The following RALGAPA2 variants were observed in gnomAD, a reference collection of about 807,000 sequenced individuals.
RALGAPA2 encodes the protein Ral GTPase activating protein catalytic subunit alpha 2, also known as ral GTPase-activating protein subunit alpha-2.
RALGAPA2 carries 139 observed loss-of-function variants against 230.4 expected under a neutral mutation model. The observed-to-expected ratio is 0.60, with a 90% CI of 0.53 to 0.69. The LOEUF is 0.69. Among genes scored for constraint, RALGAPA2 ranks in the 30% least tolerant of loss-of-function variants. RALGAPA2 has a pLI of 0.00. For missense variants in RALGAPA2, 2,163 were observed against 2,276.0 expected (o/e 0.95, Z 1.01); for synonymous variants, 847 against 837.8 (o/e 1.01, Z -0.19).
chr20:20,635,281 G>A (rs2066819365), intron 9 of RALGAPA2, 137 bp downstream of exon 9: 2 of 879,750 alleles, frequency 2.3e-6, no homozygotes, highest in East Asian at 2.5e-5. Context: ...TTACAGACAG[G>A]GTAGGCCAAT....
intron 37 of RALGAPA2, among the ~76,000 whole-genome samples, chr20:20,468,335 T>G (rs1238757506): frequency 6.6e-6 from 1 of 152,150 alleles, no homozygotes; most frequent in African/African-American, 2.4e-5. Flanking sequence ...TGGCCATCCC[T>G]CCCATCTGGG....
intron 9 of RALGAPA2, among the ~76,000 whole-genome samples, chr20:20,634,628 C>G (rs2066795010): frequency 6.6e-6 from 1 of 152,168 alleles, no homozygotes. Context: ...AGGCCTAGGT[C>G]GGAGTTCTGA....
chr20:20,457,078 C>T (rs2061139661), intron 37 of RALGAPA2, among the ~76,000 whole-genome samples: 1 of 152,168 alleles, frequency 6.6e-6, no homozygotes, highest in South Asian at 2.1e-4. Context: ...ATGATGAACT[C>T]AATTAAGCTT....
chr20:20,409,075 G>A (rs920527926), intron 38 of RALGAPA2, among the ~76,000 whole-genome samples: 11 of 152,178 alleles, frequency 7.2e-5, no homozygotes, highest in South Asian at 4.1e-4. Context: ...GGTTGACGGC[G>A]CATCCTGAAC....
intron 31 of RALGAPA2, 147 bp downstream of exon 31, chr20:20,520,770 G>A: frequency 1.8e-6 from 1 of 559,940 alleles, no homozygotes; most frequent in Non-Finnish European, 2.9e-6. Context: ...AAGAAACAAG[G>A]AAGGCAGAAT....
chr20:20,479,046 C>G (rs895996773), intron 36 of RALGAPA2, among the ~76,000 whole-genome samples: 1 of 151,622 alleles, frequency 6.6e-6, no homozygotes, highest in African/African-American at 2.4e-5. Flanking sequence ...GATGAAATGG[C>G]CAAATGAGAA....
intron 16 of RALGAPA2, among the ~76,000 whole-genome samples, chr20:20,596,768 C>G (rs956863957): frequency 2.0e-5 from 3 of 152,234 alleles, no homozygotes; most frequent in African/African-American, 7.2e-5. Flanking sequence ...CTTGATTTCA[C>G]TCTGACTTAG....
chr20:20,405,383 G>A (rs1416398422), intron 38 of RALGAPA2, among the ~76,000 whole-genome samples: 2 of 152,158 alleles, frequency 1.3e-5, no homozygotes, highest in African/African-American at 4.8e-5. Context: ...GCCTGCATGA[G>A]ATTCCCAGAG....
intron 1 of RALGAPA2, among the ~76,000 whole-genome samples, chr20:20,691,928 C>G (rs368876458): frequency 2.5e-3 from 385 of 152,222 alleles, no homozygotes; most frequent in Non-Finnish European, 4.2e-3. Context: ...CTGGTGCTGT[C>G]CTTACAGTAA....
chr20:20,467,679 G>A (rs1384314468), intron 37 of RALGAPA2, among the ~76,000 whole-genome samples: 3 of 152,092 alleles, frequency 2.0e-5, no homozygotes, highest in African/African-American at 4.8e-5. Flanking sequence ...TAGAGAAGAC[G>A]GAAGTCATTC....
intron 1 of RALGAPA2, among the ~76,000 whole-genome samples, chr20:20,685,412 AT>A (rs2068665103): frequency 6.6e-6 from 1 of 152,200 alleles, no homozygotes; most frequent in Admixed American, 6.5e-5. Context: ...GTCATGTGTT[AT>A]GCTTTAAAGG....
At position 20,620,596 on chromosome 20, in the gene RALGAPA2, G is replaced by A. The variant is rs2066289552; in HGVS notation, c.1268C>T (p.Thr423Ile). ...FLLPSCEIAV[T>I]RKVVQVYRKW... is the part of the protein sequence containing the mutation. The stretch of plus-strand genomic sequence containing the variant: ...TCTGTACACTTGAACTACTTTTCTT[G>A]TTACAGCTATCTCACAGGAAGGCAA... The change falls in exon 11 of 40, where the codon ACA becomes ATA. Residue 423 changes from threonine to isoleucine, a missense_variant. Transcript: ENST00000202677. The A allele has an allele frequency of 6.2e-7, 1 of 1,612,486 alleles. No individual in the cohort carries two copies.
At position 20,512,644 on chromosome 20, in the gene RALGAPA2, G is replaced by A. The variant is rs1390569738; in HGVS notation, c.4725C>T (p.Ile1575=). 1.2e-6 allele frequency: 2 copies of A among 1,613,920 alleles called. No homozygotes were observed. The highest frequency in any genetic ancestry group is 2.2e-5 in the East Asian group (1 of 44,872). ...TTGCAGAATCGAAGTTATGACTCTG[G>A]ATATACTCATCCTCTTGAGCATTTT... ...LRQNAQEDEY[I]QSHNFDSAMK... The change falls in exon 32 of 40, where the codon ATC becomes ATT. Residue 1575 remains isoleucine, a synonymous_variant. Transcript: ENST00000202677.
chr20:20,633,212 C>G (rs113989259), intron 9 of RALGAPA2, among the ~76,000 whole-genome samples: 1,691 of 151,986 alleles, frequency 0.011, 30 homozygotes, highest in African/African-American at 0.039. Context: ...TCTGCTCACT[C>G]CAACCTCCAC....
At chr20:20,652,971 C>T (rs1273269014) in intron 4 of RALGAPA2, among the ~76,000 whole-genome samples, 1 of 151,784 alleles carries the variant, frequency 6.6e-6, no homozygotes, top group Non-Finnish European at 1.5e-5. Context: ...GCGGGTGGAT[C>T]GCTTGAGGCC....
At chr20:20,433,309 T>TA (rs2060537836) in intron 37 of RALGAPA2, among the ~76,000 whole-genome samples, 1 of 152,212 alleles carries the variant, frequency 6.6e-6, no homozygotes, top group Non-Finnish European at 1.5e-5. Flanking sequence ...TGGTTCCACC[T>TA]AGTAATTTAA....
At chr20:20,462,358 C>G (rs1413253555) in intron 37 of RALGAPA2, among the ~76,000 whole-genome samples, 4 of 152,162 alleles carry the variant, frequency 2.6e-5, no homozygotes, top group Admixed American at 2.6e-4. Flanking sequence ...GTGCAAAACA[C>G]AATGTAAACA....
At chr20:20,486,369 G>C (rs2061911057) in intron 36 of RALGAPA2, among the ~76,000 whole-genome samples, 1 of 151,748 alleles carries the variant, frequency 6.6e-6, no homozygotes, top group African/African-American at 2.4e-5. Context: ...AGAATTCTAG[G>C]TTGGTAGTTT....
At chr20:20,609,660 G>A (rs776586447) in intron 14 of RALGAPA2, among the ~76,000 whole-genome samples, 4 of 152,234 alleles carry the variant, frequency 2.6e-5, no homozygotes, top group Non-Finnish European at 4.4e-5. Context: ...TAAGGCCCAA[G>A]CATCTGCCAG....
Sources: allele counts gnomAD v4.1 joint callset (sites outside exome capture counted in the v4.1 genomes callset), GRCh38; gene constraint gnomAD v4.1.1; transcripts MANE v1.5; gene names NCBI Gene and HGNC (gene_info 2026-07-23, HGNC 2026-07-21).